The following PRPF39 variants were observed in gnomAD, a reference collection of about 807,000 sequenced individuals.
PRPF39 encodes pre-mRNA processing factor 39, also known as pre-mRNA-processing factor 39.
Under a neutral mutation model 82.1 loss-of-function variants are expected in PRPF39, and 27 were observed. That is an observed-to-expected ratio of 0.33 (90% CI 0.24 to 0.45). PRPF39 has a LOEUF of 0.45. Ranked by LOEUF, PRPF39 falls within the 20% of genes least tolerant of loss-of-function variation. PRPF39 has a pLI of 1.00. For missense variants in PRPF39, 581 were observed against 796.9 expected (o/e 0.73, Z 3.26); for synonymous variants, 261 against 256.4 (o/e 1.02, Z -0.17).
At position 45,106,939 on chromosome 14, in the gene PRPF39, A is replaced by T. The variant is rs945859739; in HGVS notation, c.738-512A>T. Among the ~76,000 whole-genome samples, 57 of 152,184 alleles carry T rather than the reference A, an allele frequency of 3.7e-4. 2 individuals carry two copies. The highest frequency in any genetic ancestry group is 1.0e-4 in the Non-Finnish European group (7 of 68,020). On this transcript the variant is annotated intron_variant, in intron 5 of 13. Coordinates refer to ENST00000355765, the MANE Select transcript of PRPF39 (RefSeq NM_017922.4). The stretch of plus-strand genomic sequence containing the variant: ...AGTTTCATTGGATTTTTGCGTACTC[A>T]CATGTGGATGAGGAGTATTTGGGAG...
intron 3 of PRPF39, chr14:45,096,493 G>C: frequency 1.4e-6 from 2 of 1,451,978 alleles, no homozygotes; most frequent in South Asian, 2.4e-5. Context: ...AGCTTAACAA[G>C]TAGGGCAGGG....
intron 3 of PRPF39, 158 bp downstream of exon 3, chr14:45,096,386 T>C: frequency 6.6e-7 from 1 of 1,522,596 alleles, no homozygotes; most frequent in African/African-American, 1.4e-5. Context: ...GTCACTCTTG[T>C]GGCATTTGTA....
intron 7 of PRPF39, among the ~76,000 whole-genome samples, chr14:45,109,349 T>G (rs1346765446): frequency 2.0e-5 from 3 of 152,220 alleles, no homozygotes; most frequent in Non-Finnish European, 4.4e-5. Flanking sequence ...TGTTCAATTT[T>G]AAAATATTCA....
At position 45,108,450 on chromosome 14, in the gene PRPF39, C is replaced by T; in HGVS notation, c.939C>T (p.Ile313=). The T allele has an allele frequency of 6.3e-7, 1 of 1,594,284 alleles. No homozygotes were observed. Among genetic ancestry groups the T allele is most frequent in the Non-Finnish European group, 8.5e-7 (1 of 1,174,430 alleles). The change falls in exon 7 of 14, where the codon ATC becomes ATT. Residue 313 remains isoleucine (I), a synonymous_variant. Transcript: ENST00000355765. ...ITEIENMRHR[I]IEIHQEMFNY... ...AAATAGAAAACATGAGACATAGAAT[C>T]ATTGAGATTCATCAAGAAATGTTTA... is the stretch of plus-strand genomic sequence containing the variant.
intron 1 of PRPF39, among the ~76,000 whole-genome samples, chr14:45,093,784 A>G (rs928165722): frequency 2.0e-5 from 3 of 148,156 alleles, no homozygotes; most frequent in African/African-American, 7.5e-5. Context: ...CGAACTCCCA[A>G]CCTCAGGTGA....
At position 45,114,840 on chromosome 14, in the gene PRPF39, T is replaced by A; in HGVS notation, c.1954-17T>A. ...CCACAGTTCTAATATGCTAACATAC[T>A]TACTTTTTCCTTTCAGTACAATTAT... On this transcript the variant is annotated splice_polypyrimidine_tract_variant and intron_variant, in intron 13 of 13. Transcript: ENST00000355765. 1 of 1,576,558 alleles carries A rather than the reference T, an allele frequency of 6.3e-7. No individual in the cohort carries two copies. Among genetic ancestry groups the A allele is most frequent in the Non-Finnish European group, 8.7e-7 (1 of 1,146,608 alleles).
intron 1 of PRPF39, among the ~76,000 whole-genome samples, chr14:45,091,746 G>A (rs1156550194): frequency 6.6e-6 from 1 of 152,062 alleles, no homozygotes; most frequent in Non-Finnish European, 1.5e-5. Context: ...AAAATGAGGT[G>A]CTACTTTGTT....
rs554111165 is a variant in PRPF39 at position 45,087,172 on chromosome 14, A to T, written c.-20+2923A>T. Among the ~76,000 whole-genome samples the T allele has an allele frequency of 3.9e-5, 6 of 152,264 alleles. No individual in the cohort carries two copies. The South Asian group carries it at 1.2e-3, about 32-fold the overall frequency. ...TGAAGTGCACTGACATGGTCAGCCCACTGCAACCTCCACCTCCTGGGGCTT... is the reference window on the plus strand; with the variant it reads ...TGAAGTGCACTGACATGGTCAGCCCTCTGCAACCTCCACCTCCTGGGGCTT... On this transcript the variant is annotated intron_variant, in intron 1 of 13. Transcript: ENST00000355765.
chr14:45,108,376 A>G, intron 6 of PRPF39, 39 bp from the exon 7 acceptor site: 3 of 1,540,094 alleles, frequency 1.9e-6, no homozygotes, highest in African/African-American at 1.4e-5. Context: ...TTCAGTATAC[A>G]GTTTGTGAGA....
rs201624523 is a variant in PRPF39 at position 45,114,964 on chromosome 14, A to AT, written c.*59dup. On this transcript the variant is annotated 3_prime_UTR_variant, in exon 14 of 14. Coordinates refer to ENST00000355765, the MANE Select transcript of PRPF39 (RefSeq NM_017922.4). ...AGTGTGTGAAAAGTATGAAATTATT[A>AT]TTTTTTTTAATGAGGGATGTAAACA... is the stretch of plus-strand genomic sequence containing the variant. 615 of 1,393,700 alleles carry AT rather than the reference A, an allele frequency of 4.4e-4. No individual in the cohort carries two copies. The highest frequency in any genetic ancestry group is 3.2e-3 in the East Asian group (141 of 43,404). The allele number at this position is 1,393,700 out of a possible 1,614,324, so 86.3% of individuals were successfully genotyped here. A position where few individuals can be genotyped will look rare whatever the true frequency, so the allele number is the denominator to read the frequency against.
At chr14:45,107,987 T>C (rs1359918176) in intron 6 of PRPF39, among the ~76,000 whole-genome samples, 1 of 152,100 alleles carries the variant, frequency 6.6e-6, no homozygotes, top group East Asian at 1.9e-4. Flanking sequence ...CTTGACTCCA[T>C]GAGTGGCACA....
Position 45,095,449 on chromosome 14 carries a change from G to C in PRPF39, c.210G>C (p.Leu70=). 6.2e-7 allele frequency: 1 copy of C among 1,613,958 alleles called. No homozygotes were observed. The highest frequency in any genetic ancestry group is 1.1e-5 in the South Asian group (1 of 91,086). Residue 70 remains leucine (L), a synonymous_variant, in exon 2 of 14, where the codon CTG becomes CTC. Coordinates refer to ENST00000355765, the MANE Select transcript of PRPF39 (RefSeq NM_017922.4). The stretch of plus-strand genomic sequence containing the variant: ...GTGCTGTGGACCTTCCAGTGACGCT[G>C]ACAGAAACAGAAGCAAATTTCCCTC... The part of the protein sequence containing the change: ...MASAVDLPVT[L]TETEANFPPE...
At chr14:45,092,201 A>G (rs997723577) in intron 1 of PRPF39, among the ~76,000 whole-genome samples, 5 of 152,220 alleles carry the variant, frequency 3.3e-5, no homozygotes, top group Non-Finnish European at 7.3e-5. Flanking sequence ...GCTGCTTTGA[A>G]TGAAATCAGT....
chr14:45,106,943 G>A (rs753657332), intron 5 of PRPF39, among the ~76,000 whole-genome samples: 3 of 152,134 alleles, frequency 2.0e-5, no homozygotes, highest in Non-Finnish European at 2.9e-5. Flanking sequence ...GTACTCACAT[G>A]TGGATGAGGA....
At chr14:45,090,375 T>A (rs1883981110) in intron 1 of PRPF39, among the ~76,000 whole-genome samples, 1 of 152,192 alleles carries the variant, frequency 6.6e-6, no homozygotes, top group Non-Finnish European at 1.5e-5. Flanking sequence ...TTGGCTAGAT[T>A]TGCTTTTTCT....
At chr14:45,109,542 G>C in intron 7 of PRPF39, 74 bp from the exon 8 acceptor site, 4 of 1,240,484 alleles carry the variant, frequency 3.2e-6, no homozygotes, top group East Asian at 5.2e-5. Context: ...AAAATTATTT[G>C]TATTAACACT....
chr14:45,096,576 C>G (rs944230277), intron 3 of PRPF39: 1 of 1,440,930 alleles, frequency 6.9e-7, no homozygotes, highest in Admixed American at 2.1e-5. Flanking sequence ...TTTGCTACGT[C>G]TTATTGCATT....
chr14:45,109,835 A>G, intron 8 of PRPF39, 55 bp downstream of exon 8: 5 of 1,531,476 alleles, frequency 3.3e-6, no homozygotes, highest in Non-Finnish European at 4.4e-6. Context: ...TGATCTAGTG[A>G]CTAACCTTTT....
At chr14:45,087,021 C>T (rs1883853264) in intron 1 of PRPF39, among the ~76,000 whole-genome samples, 2 of 152,056 alleles carry the variant, frequency 1.3e-5, no homozygotes, top group South Asian at 4.2e-4. Flanking sequence ...TTGAAGCAAT[C>T]TGCATTTGAA....
Sources: allele counts gnomAD v4.1 joint callset (sites outside exome capture counted in the v4.1 genomes callset), GRCh38; gene constraint gnomAD v4.1.1; transcripts MANE v1.5; gene names NCBI Gene and HGNC (gene_info 2026-07-23, HGNC 2026-07-21).